The following NAV3 variants were observed in gnomAD, a reference collection of about 807,000 sequenced individuals.
NAV3 encodes neuron navigator 3.
A neutral mutation model predicts 244.7 loss-of-function variants in NAV3; 87 were observed. That is an observed-to-expected ratio of 0.36 (90% CI 0.30 to 0.42). NAV3 has a LOEUF of 0.42. Among genes scored for constraint, NAV3 ranks in the 20% least tolerant of loss-of-function variants. NAV3 has a pLI of 1.00. For missense variants in NAV3, 2,663 were observed against 2,893.3 expected (o/e 0.92, Z 1.83); for synonymous variants, 1,126 against 1,042.2 (o/e 1.08, Z -1.55).
chr12:78,001,985 C>G (rs572850808), intron 7 of NAV3, among the ~76,000 whole-genome samples: 2 of 152,298 alleles, frequency 1.3e-5, no homozygotes, highest in East Asian at 3.9e-4. Context: ...GTACTCTAGA[C>G]AGATATATGT....
intron 15 of NAV3, 41 bp from the exon 16 acceptor site, chr12:78,121,899 C>A: frequency 6.2e-7 from 1 of 1,603,704 alleles, no homozygotes; most frequent in Admixed American, 1.7e-5. Context: ...TGGATATTAG[C>A]TTCTTGGAAC....
At chr12:77,690,222 C>A (rs1874940696) in intron 2 of NAV3, among the ~76,000 whole-genome samples, 1 of 151,806 alleles carries the variant, frequency 6.6e-6, no homozygotes, top group Non-Finnish European at 1.5e-5. Context: ...TGTTCTGATG[C>A]ATATGGTTCC....
intron 2 of NAV3, among the ~76,000 whole-genome samples, chr12:77,787,746 C>T (rs1490753836): frequency 1.3e-5 from 2 of 152,158 alleles, no homozygotes. Flanking sequence ...CAAACCATAT[C>T]ATGGGGAAAA....
At position 77,809,236 on chromosome 12, in the gene NAV3, G is replaced by T. The variant is rs551241463; in HGVS notation, c.73-131083G>T. On this transcript the variant is annotated intron_variant, in intron 2 of 8. Transcript: ENST00000550042. ...ACTGGGTTATGAAAAAGAAATTGCA[G>T]CTAGCTCGGCGTCTGCCCAAACAGC... Among the ~76,000 whole-genome samples, 7 of 152,304 alleles carry T rather than the reference G, an allele frequency of 4.6e-5. No homozygotes were observed. The East Asian group carries it at 1.4e-3, about 29-fold the overall frequency.
chr12:77,900,551 C>T (rs560958436), intron 1 of NAV3, among the ~76,000 whole-genome samples: 6 of 151,844 alleles, frequency 4.0e-5, no homozygotes, highest in Admixed American at 2.0e-4. Context: ...TATTCCATGG[C>T]GTGTGCACAT....
At position 77,654,390 on chromosome 12, in the gene NAV3, C is replaced by A. The variant is rs147276271; in HGVS notation, c.72+82124C>A. ...CTGAGATCAAACTGCAAGGCGGCAG[C>A]GAGGCTGGGGGAGGGGTGCCCACCA... On this transcript the variant is annotated intron_variant, in intron 2 of 8. Coordinates refer to the NAV3 transcript ENST00000550042. Among the ~76,000 whole-genome samples the A allele has an allele frequency of 2.0e-5, 3 of 152,050 alleles. No individual in the cohort carries two copies. The East Asian group carries it at 5.8e-4, about 29-fold the overall frequency.
chr12:78,077,200 A>G (rs1315915742), intron 12 of NAV3, among the ~76,000 whole-genome samples: 1 of 152,148 alleles, frequency 6.6e-6, no homozygotes, highest in African/African-American at 2.4e-5. Flanking sequence ...AAATAATGAA[A>G]ATTTTTAGAA....
intron 2 of NAV3, among the ~76,000 whole-genome samples, chr12:77,602,442 A>G (rs1229409850): frequency 1.3e-5 from 2 of 151,984 alleles, no homozygotes. Context: ...GCTATGTCCA[A>G]TAGGTTGTTT....
chr12:77,631,251 C>T (rs1181711198), intron 2 of NAV3, among the ~76,000 whole-genome samples: 1 of 152,182 alleles, frequency 6.6e-6, no homozygotes, highest in Non-Finnish European at 1.5e-5. Flanking sequence ...CCCTCAGCTA[C>T]TCCCTGGTTG....
At chr12:77,957,452 A>C (rs1368274200) in intron 3 of NAV3, among the ~76,000 whole-genome samples, 4 of 152,206 alleles carry the variant, frequency 2.6e-5, no homozygotes, top group Non-Finnish European at 1.5e-5. Flanking sequence ...ATAAGTGTAA[A>C]AAAATGTGAA....
chr12:78,136,915 G>A (rs752390656), intron 18 of NAV3, among the ~76,000 whole-genome samples: 1 of 152,138 alleles, frequency 6.6e-6, no homozygotes, highest in Non-Finnish European at 1.5e-5. Context: ...TTTCTAGCAA[G>A]AGCAGTAGAG....
chr12:77,650,625 A>G (rs998781773), intron 2 of NAV3, among the ~76,000 whole-genome samples: 1 of 152,158 alleles, frequency 6.6e-6, no homozygotes, highest in African/African-American at 2.4e-5. Flanking sequence ...GACTTTAGTT[A>G]TTTAGTGTGG....
chr12:77,889,209 G>C (rs530264258), intron 1 of NAV3, among the ~76,000 whole-genome samples: 1 of 152,262 alleles, frequency 6.6e-6, no homozygotes, highest in African/African-American at 2.4e-5. Context: ...TTATTGGTGG[G>C]CCTCATCCAA....
intron 25 of NAV3, among the ~76,000 whole-genome samples, chr12:78,175,732 A>G (rs1958193288): frequency 6.7e-6 from 1 of 149,470 alleles, no homozygotes; most frequent in Non-Finnish European, 1.5e-5. Context: ...TCATTTATTC[A>G]CAGATGTTAT....
intron 12 of NAV3, among the ~76,000 whole-genome samples, chr12:78,088,000 G>A (rs949450197): frequency 1.1e-4 from 16 of 150,960 alleles, no homozygotes; most frequent in African/African-American, 3.6e-4. Flanking sequence ...CATAATTAAT[G>A]CTACCATTTT....
chr12:77,903,498 A>G (rs1389975106), intron 1 of NAV3, among the ~76,000 whole-genome samples: 1 of 152,166 alleles, frequency 6.6e-6, no homozygotes, highest in Non-Finnish European at 1.5e-5. Context: ...TTAATTCAAG[A>G]TGGATTAAAG....
intron 2 of NAV3, among the ~76,000 whole-genome samples, chr12:77,711,661 C>A (rs1474157047): frequency 6.6e-6 from 1 of 152,194 alleles, no homozygotes; most frequent in East Asian, 1.9e-4. Flanking sequence ...CAAGATTAGG[C>A]AGGGTGTCTG....
chr12:77,639,937 G>C (rs990007299), intron 2 of NAV3, among the ~76,000 whole-genome samples: 1 of 152,132 alleles, frequency 6.6e-6, no homozygotes, highest in African/African-American at 2.4e-5. Flanking sequence ...TGTCAAAAGG[G>C]GGGCACTAGT....
chr12:77,678,960 TTAAG>T (rs1223792171), intron 2 of NAV3, among the ~76,000 whole-genome samples: 1 of 152,168 alleles, frequency 6.6e-6, no homozygotes, highest in African/African-American at 2.4e-5. Context: ...TTGAAAGTCT[TTAAG>T]TATTCCATTA....
Sources: allele counts gnomAD v4.1 joint callset (sites outside exome capture counted in the v4.1 genomes callset), GRCh38; gene constraint gnomAD v4.1.1; transcripts MANE v1.5; gene names NCBI Gene and HGNC (gene_info 2026-07-23, HGNC 2026-07-21).